Variants in TMEFF2 observed in about 807,000 individuals in gnomAD.
TMEFF2 encodes tomoregulin-2.
A neutral mutation model predicts 53.8 loss-of-function variants in TMEFF2; 28 were observed. The ratio of observed to expected loss-of-function variants is 0.52; its 90% CI spans 0.39 to 0.71. TMEFF2 has a LOEUF of 0.71. Ranked by LOEUF, TMEFF2 falls within the 30% of genes least tolerant of loss-of-function variation. TMEFF2 has a pLI of 0.00. For missense variants in TMEFF2, 353 were observed against 455.2 expected (o/e 0.78, Z 2.04); for synonymous variants, 162 against 166.3 (o/e 0.97, Z 0.20).
At chr2:191,953,878 C>T (rs1415371946) in intron 8 of TMEFF2, 41 bp from the exon 9 acceptor site, 3 of 887,476 alleles carry the variant, frequency 3.4e-6, no homozygotes, top group African/African-American at 1.9e-5. Context: ...TAGGGTGCTG[C>T]ATTCATTTTT....
intron 9 of TMEFF2, among the ~76,000 whole-genome samples, chr2:191,952,574 G>C (rs1230019592): frequency 6.6e-6 from 1 of 151,792 alleles, no homozygotes; most frequent in Non-Finnish European, 1.5e-5. Context: ...CGTGAGAGTC[G>C]AGTTGATGAA....
rs752427014 is a variant in TMEFF2 at position 192,081,185 on chromosome 2, C to T, written c.440-23410G>A. Among the ~76,000 whole-genome samples, 17 of 152,272 alleles carry T rather than the reference C, an allele frequency of 1.1e-4. No homozygotes were observed. In the Middle Eastern group the frequency reaches 0.014, roughly 122 times the overall value. ...GCTTTGTTTTTCTAGTAGCAGCTTG[C>T]TGCATAGCTTATTGGTTTACCACAA... is the stretch of plus-strand genomic sequence containing the variant. On this transcript the variant is annotated intron_variant, in intron 4 of 9. Coordinates refer to ENST00000272771, the MANE Select transcript of TMEFF2 (RefSeq NM_016192.4).
intron 5 of TMEFF2, among the ~76,000 whole-genome samples, chr2:192,042,397 G>T (rs183071333): frequency 6.6e-6 from 1 of 152,206 alleles, no homozygotes; most frequent in East Asian, 1.9e-4. Context: ...TCTTTGAAGT[G>T]CAGTAAAGCA....
At chr2:192,065,461 G>C (rs1041832725) in intron 4 of TMEFF2, among the ~76,000 whole-genome samples, 4 of 151,552 alleles carry the variant, frequency 2.6e-5, no homozygotes, top group Admixed American at 2.0e-4. Context: ...CAAAAATACT[G>C]GTTCTACACT....
At chr2:192,029,936 G>T (rs891875921) in intron 5 of TMEFF2, among the ~76,000 whole-genome samples, 3 of 152,160 alleles carry the variant, frequency 2.0e-5, no homozygotes, top group Admixed American at 2.0e-4. Flanking sequence ...CTTCTTCATT[G>T]AATCTGTTGA....
intron 5 of TMEFF2, among the ~76,000 whole-genome samples, chr2:192,037,642 A>AG (rs1687360908): frequency 3.0e-4 from 7 of 23,664 alleles, no homozygotes; most frequent in African/African-American, 4.8e-4. Context: ...AAAGAGAGAG[A>AG]AAGAGAGAGA....
At position 192,194,331 on chromosome 2, in the gene TMEFF2, G is replaced by C; in HGVS notation, c.172+22C>G. On this transcript the variant is annotated intron_variant, in intron 1 of 9. Transcript: ENST00000272771. The surrounding 1 kb of genome is among the most constrained non-coding windows in gnomAD (Gnocchi z 4.2). Reference sequence around the variant, plus strand: ...GTTCTTCTGCGGAGTTAAAGGGTCGGGGACGGGGGTTCTGGACTTACCAGA... The same window carrying C: ...GTTCTTCTGCGGAGTTAAAGGGTCGCGGACGGGGGTTCTGGACTTACCAGA... 1 of 1,612,686 alleles carries C rather than the reference G, an allele frequency of 6.2e-7. No individual in the cohort carries two copies. Among genetic ancestry groups the C allele is most frequent in the Non-Finnish European group, 8.5e-7 (1 of 1,178,972 alleles).
At chr2:192,085,781 T>C (rs1456673094) in intron 4 of TMEFF2, among the ~76,000 whole-genome samples, 5 of 151,578 alleles carry the variant, frequency 3.3e-5, no homozygotes, top group African/African-American at 1.2e-4. Context: ...AAACCTAGCA[T>C]ACAAATGTAC....
intron 5 of TMEFF2, among the ~76,000 whole-genome samples, chr2:192,022,721 G>T (rs1686884479): frequency 6.6e-6 from 1 of 152,008 alleles, no homozygotes; most frequent in Admixed American, 6.6e-5. Context: ...CTTTTAATCT[G>T]CACTGAGTTT....
In TMEFF2 at chr2:191,959,624, A is replaced by ATGTGTG. The variant is rs10687431; in HGVS notation, c.746-3252_746-3247dup. 2.6e-3 allele frequency among the ~76,000 whole-genome samples: 399 copies of ATGTGTG among 152,122 alleles called. 3 individuals are homozygous for ATGTGTG. The highest frequency in any genetic ancestry group is 9.2e-3 in the African/African-American group (382 of 41,466). On this transcript the variant is annotated intron_variant, in intron 7 of 9. Coordinates refer to ENST00000272771, the MANE Select transcript of TMEFF2 (RefSeq NM_016192.4). ...TAAATCAATACAGTCCAGTATGTAC[A>ATGTGTG]TGTGTGTGTATGTGTTTACCATTGC...
chr2:192,167,724 G>C (rs977956650), intron 4 of TMEFF2, among the ~76,000 whole-genome samples: 2 of 152,230 alleles, frequency 1.3e-5, no homozygotes, highest in Admixed American at 1.3e-4. Flanking sequence ...ATGAGGACAG[G>C]GGTAGGAGAT....
intron 7 of TMEFF2, among the ~76,000 whole-genome samples, chr2:191,976,917 G>A (rs897481326): frequency 1.3e-5 from 2 of 152,088 alleles, no homozygotes; most frequent in Non-Finnish European, 2.9e-5. Flanking sequence ...CTGTGACCAC[G>A]GGCAACTTAT....
At chr2:192,069,406 A>T (rs566866482) in intron 4 of TMEFF2, among the ~76,000 whole-genome samples, 54 of 151,928 alleles carry the variant, frequency 3.6e-4, no homozygotes, top group African/African-American at 1.3e-3. Flanking sequence ...CACAAAAAAA[A>T]TAGATAACAA....
At chr2:192,171,694 C>T (rs1466946756) in intron 4 of TMEFF2, among the ~76,000 whole-genome samples, 1 of 151,960 alleles carries the variant, frequency 6.6e-6, no homozygotes. Context: ...ATGTCCTTCT[C>T]TCCCTCATCT....
At chr2:192,132,797 G>C (rs1339478528) in intron 4 of TMEFF2, among the ~76,000 whole-genome samples, 8 of 152,136 alleles carry the variant, frequency 5.3e-5, no homozygotes, top group Non-Finnish European at 1.0e-4. Flanking sequence ...GAAAATCGGA[G>C]TGTTCAACTC....
At chr2:192,046,078 T>A (rs1024196150) in intron 5 of TMEFF2, among the ~76,000 whole-genome samples, 1 of 151,856 alleles carries the variant, frequency 6.6e-6, no homozygotes, top group African/African-American at 2.4e-5. Flanking sequence ...CTTGATAGAG[T>A]GGTGGAATGG....
At chr2:192,055,774 C>CAAAAAAAAAAA (rs71405038) in intron 5 of TMEFF2, among the ~76,000 whole-genome samples, 4 of 42,504 alleles carry the variant, frequency 9.4e-5, no homozygotes, top group African/African-American at 3.2e-4. Context: ...GACTCCATCT[C>CAAAAAAAAAAA]AAAAAAAAAA....
intron 9 of TMEFF2, among the ~76,000 whole-genome samples, chr2:191,951,238 G>A (rs1225332471): frequency 7.2e-6 from 1 of 139,848 alleles, no homozygotes; most frequent in Non-Finnish European, 1.6e-5. Context: ...ATCTGTTAAA[G>A]AGAACATGGA....
Position 191,949,879 on chromosome 2 carries a change from A to G in TMEFF2, c.*432T>C, listed in dbSNP as rs1310410421. On this transcript the variant is annotated 3_prime_UTR_variant, in exon 10 of 10. Transcript: ENST00000272771. ...TTTCCCTTGATCTTGGAATCATTCA[A>G]AACCTAGCCACTGAGTCCTGTACGA... 1.0e-6 allele frequency: 1 copy of G among 987,132 alleles called. No homozygotes were observed. The highest frequency in any genetic ancestry group is 1.1e-4 in the East Asian group (1 of 8,838). 61.1% of individuals were successfully genotyped at this position (987,132 alleles called of 1,614,324 possible). A position where few individuals can be genotyped will look rare whatever the true frequency, so the allele number is the denominator to read the frequency against.
Sources: gnomAD v4.1 joint callset for allele counts (sites outside exome capture counted in the v4.1 genomes callset) on GRCh38, gnomAD v4.1.1 for gene constraint, Gnocchi (gnomAD v3.1) non-coding constraint, MANE v1.5 for transcripts, NCBI Gene and HGNC (gene_info 2026-07-23, HGNC 2026-07-21) for gene names.